FAM20C: variants seen among roughly 807,000 people sequenced by gnomAD.
FAM20C encodes the protein FAM20C golgi associated secretory pathway kinase, also known as extracellular serine/threonine protein kinase FAM20C.
Under a neutral mutation model 51.5 loss-of-function variants are expected in FAM20C, and 40 were observed. That is an observed-to-expected ratio of 0.78 (90% CI 0.60 to 1.01). The LOEUF is 1.01. FAM20C is among the 50% of genes least tolerant of loss of function. The probability of loss-of-function intolerance (pLI) is 0.00; values close to 1 mark genes in which losing one functional copy is unlikely to be tolerated. For missense variants in FAM20C, 861 were observed against 844.7 expected, an observed-to-expected ratio of 1.02 and a Z score of -0.24; for synonymous variants, 406 against 380.6, an observed-to-expected ratio of 1.07 and a Z score of -0.78.
At chr7:229,215 T>C (rs901061053) in intron 3 of FAM20C, 12 of 248,384 alleles carry the variant, frequency 4.8e-5, no homozygotes, top group South Asian at 1.7e-4. Flanking sequence ...GGGAAGTGAG[T>C]TTCCTTCCAC....
At chr7:258,344 G>T (rs1285341535) in intron 8 of FAM20C, among the ~76,000 whole-genome samples, 6 of 113,636 alleles carry the variant, frequency 5.3e-5, no homozygotes, top group Admixed American at 3.2e-4. Context: ...AGATGGGCAG[G>T]GTGGACCCAC....
At chr7:204,992 G>A (rs536085037) in intron 2 of FAM20C, among the ~76,000 whole-genome samples, 2 of 152,380 alleles carry the variant, frequency 1.3e-5, no homozygotes, top group South Asian at 2.1e-4. Flanking sequence ...AGCACTCACA[G>A]CATTGCCCCC....
intron 3 of FAM20C, among the ~76,000 whole-genome samples, chr7:216,358 A>G (rs28667748): frequency 0.67 from 7,088 of 10,574 alleles, 2,358 homozygotes; most frequent in South Asian, 0.77. Context: ...GAGAGGATGG[A>G]GCTGGGTGGG....
intron 3 of FAM20C, among the ~76,000 whole-genome samples, chr7:216,519 G>T (rs1210714525): frequency 1.3e-5 from 2 of 151,900 alleles, no homozygotes; most frequent in African/African-American, 2.4e-5. Context: ...GGAAAGGCCA[G>T]CTGGGAGCCC....
intron 3 of FAM20C, among the ~76,000 whole-genome samples, chr7:230,386 A>C (rs1355283818): frequency 2.7e-5 from 2 of 73,226 alleles, no homozygotes. Context: ...GGGGGGGGGG[A>C]ACAGATCCCC....
At chr7:255,500 G>A (rs1005762141) in intron 5 of FAM20C, among the ~76,000 whole-genome samples, 2 of 152,122 alleles carry the variant, frequency 1.3e-5, no homozygotes, top group Non-Finnish European at 2.9e-5. Flanking sequence ...GTTTGCAAAC[G>A]TTTTCTACCA....
rs905952590 is a variant in FAM20C, at chr7:260,082, G to A, written c.*102G>A. ...AATTCAGTGAATTCAGAGGCAGGAC[G>A]GGATCATCCGGAGTCGGGAGCTGCT... On this transcript the variant is annotated 3_prime_UTR_variant, in exon 10 of 10. Coordinates refer to ENST00000313766, the MANE Select transcript of FAM20C (RefSeq NM_020223.4). 4.2e-5 allele frequency: 59 copies of A among 1,389,336 alleles called. No homozygotes were observed. The highest frequency in any genetic ancestry group is 4.4e-5 in the African/African-American group (3 of 68,718). The allele number at this position is 1,389,336 out of a possible 1,614,324, so 86.1% of individuals were successfully genotyped here. A position where few individuals can be genotyped will look rare whatever the true frequency, so the allele number is the denominator to read the frequency against.
At position 258,038 on chromosome 7, in the gene FAM20C, G is replaced by C. The variant is rs149611981; in HGVS notation, c.1446-608G>C. ...GGGGCTGGGTGGACCCACTGCCCGG[G>C]TGCTGGAGATAGGCAGTGTGGACCC... is the stretch of plus-strand genomic sequence containing the variant. On this transcript the variant is annotated intron_variant, in intron 8 of 9. Coordinates refer to ENST00000313766, the MANE Select transcript of FAM20C (RefSeq NM_020223.4). Among the ~76,000 whole-genome samples the C allele has an allele frequency of 2.3e-3, 268 of 115,076 alleles. 12 individuals are homozygous for C. The East Asian group carries it at 0.028, about 12-fold the overall frequency. The allele number at this position is 115,076 out of a possible 152,430, so 75.5% of individuals were successfully genotyped here. A position where few individuals can be genotyped will look rare whatever the true frequency, so the allele number is the denominator to read the frequency against.
intron 3 of FAM20C, among the ~76,000 whole-genome samples, chr7:241,730 C>A (rs1165873063): frequency 2.6e-5 from 4 of 151,644 alleles, no homozygotes; most frequent in Non-Finnish European, 4.4e-5. Context: ...CCACTGTGAG[C>A]GCCCGTGTGT....
At chr7:250,837 T>C (rs529409992) in intron 5 of FAM20C, among the ~76,000 whole-genome samples, 16 of 152,336 alleles carry the variant, frequency 1.1e-4, no homozygotes, top group African/African-American at 3.6e-4. Context: ...TTGCAACTTT[T>C]AGGGTGATGT....
chr7:246,666 G>A (rs1326163823), intron 4 of FAM20C, among the ~76,000 whole-genome samples, 159 bp downstream of exon 4: 9 of 83,994 alleles, frequency 1.1e-4, no homozygotes, highest in Admixed American at 3.5e-4. Context: ...GTGCTGCCCT[G>A]AGCAGGGTCC....
At chr7:211,720 A>G (rs1786724171) in intron 3 of FAM20C, among the ~76,000 whole-genome samples, 1 of 152,132 alleles carries the variant, frequency 6.6e-6, no homozygotes, top group Admixed American at 6.5e-5. Flanking sequence ...GTTACAGCAT[A>G]GCCAGGAAAC....
At chr7:259,119 C>T (rs1053466564) in intron 9 of FAM20C, among the ~76,000 whole-genome samples, 1 of 152,230 alleles carries the variant, frequency 6.6e-6, no homozygotes, top group Non-Finnish European at 1.5e-5. Flanking sequence ...GCAGGGCAAA[C>T]GCTTTGTACT....
intron 2 of FAM20C, among the ~76,000 whole-genome samples, chr7:204,960 C>G (rs937840977): frequency 6.6e-6 from 1 of 152,226 alleles, no homozygotes; most frequent in African/African-American, 2.4e-5. Context: ...CCGTGGTGAG[C>G]CCCCACGCCA....
chr7:236,031 G>A (rs1787837494), intron 3 of FAM20C, among the ~76,000 whole-genome samples: 2 of 152,332 alleles, frequency 1.3e-5, no homozygotes, highest in South Asian at 4.1e-4. Flanking sequence ...CTCCTCACCT[G>A]GCATACCTTC....
In FAM20C at chr7:193,188, G is replaced by A. The variant is rs1283460932; in HGVS notation, c.-12G>A. 3 of 1,450,926 alleles carry A rather than the reference G, an allele frequency of 2.1e-6. No homozygotes were observed. Among genetic ancestry groups the A allele is most frequent in the East Asian group, 3.0e-5 (1 of 33,562 alleles). The allele number at this position is 1,450,926 out of a possible 1,614,324, so 89.9% of individuals were successfully genotyped here. Reference sequence around the variant, plus strand: ...CAGAACGCGCTCCAGGCCCGGGCCGGCCCGCGCGGCCATGAAGATGATGCT... The same window carrying A: ...CAGAACGCGCTCCAGGCCCGGGCCGACCCGCGCGGCCATGAAGATGATGCT... On this transcript the variant is annotated 5_prime_UTR_variant, in exon 1 of 10. Coordinates refer to ENST00000313766, the MANE Select transcript of FAM20C (RefSeq NM_020223.4).
intron 3 of FAM20C, among the ~76,000 whole-genome samples, chr7:222,850 C>G (rs1275654247): frequency 3.4e-5 from 5 of 147,622 alleles, no homozygotes; most frequent in Non-Finnish European, 7.5e-5. Context: ...CATGCATGTC[C>G]TGTGTGGGTG....
chr7:193,917 G>C (rs1240639565), intron 1 of FAM20C, 113 bp downstream of exon 1: 116 of 1,394,630 alleles, frequency 8.3e-5, no homozygotes, highest in Non-Finnish European at 9.7e-5. Context: ...GCCGGGCAGG[G>C]AGTGTGGTGC....
In FAM20C at chr7:193,670, C is replaced by A. The variant is rs1328685187; in HGVS notation, c.471C>A (p.Asp157Glu). The A allele has an allele frequency of 1.3e-6, 2 of 1,542,038 alleles. No homozygotes were observed. The highest frequency in any genetic ancestry group is 3.9e-5 in the Admixed American group (2 of 50,668). ...RSESPPGPGG[D>E]ASLLARLFEH... ...AGTCGCCCCCCGGCCCCGGCGGAGACGCCTCCCTCCTGGCCAGGCTGTTCG... is the reference window on the plus strand; with the variant it reads ...AGTCGCCCCCCGGCCCCGGCGGAGAAGCCTCCCTCCTGGCCAGGCTGTTCG... Residue 157 changes from aspartate to glutamate, a missense_variant, in exon 1 of 10, where the codon GAC becomes GAA. Around this residue, in one of 3 missense-constraint regions of FAM20C, gnomAD observed 561 missense variants for 499.8 expected, o/e 1.12. Transcript: ENST00000313766.
Sources: gnomAD v4.1 joint callset for allele counts (sites outside exome capture counted in the v4.1 genomes callset) on GRCh38, gnomAD v4.1.1 for gene constraint, gnomAD v4.1.1 regional missense constraint, MANE v1.5 for transcripts, NCBI Gene and HGNC (gene_info 2026-07-23, HGNC 2026-07-21) for gene names.